The following TIRAP variants were observed in gnomAD, a reference collection of about 807,000 sequenced individuals.
TIRAP encodes toll/interleukin-1 receptor domain-containing adapter protein.
In TIRAP, 20 loss-of-function variants were observed where a neutral mutation model predicts 19.8. The observed-to-expected ratio is 1.01, with a 90% CI of 0.71 to 1.47. The LOEUF (loss-of-function observed/expected upper bound fraction) is 1.47. Ranked by LOEUF, TIRAP falls within the 40% of genes most tolerant of loss-of-function variation. The pLI is 0.00. For missense variants in TIRAP, 276 were observed against 285.1 expected, an observed-to-expected ratio of 0.97 and a Z score of 0.23; for synonymous variants, 125 against 121.7, an observed-to-expected ratio of 1.03 and a Z score of -0.18.
intron 1 of TIRAP, among the ~76,000 whole-genome samples, chr11:126,289,028 A>G (rs1951353044): frequency 6.6e-6 from 1 of 152,212 alleles, no homozygotes; most frequent in African/African-American, 2.4e-5. Flanking sequence ...TAGGAAAGAA[A>G]AGAAACTCAT....
At chr11:126,285,243 G>GTGTGTGTATGTATATATATA in intron 1 of TIRAP, among the ~76,000 whole-genome samples, 1 of 106,974 alleles carries the variant, frequency 9.3e-6, no homozygotes, top group Non-Finnish European at 1.9e-5. Flanking sequence ...GTGTGTGTGT[G>GTGTGTGTATGTATATATATA]TATATATATA....
intron 1 of TIRAP, among the ~76,000 whole-genome samples, chr11:126,289,304 G>GT (rs1179662890): frequency 2.6e-5 from 4 of 152,174 alleles, no homozygotes; most frequent in Non-Finnish European, 4.4e-5. Context: ...TTGAGATGGA[G>GT]TTTCGCTCTT....
At chr11:126,286,409 C>T (rs1183742418) in intron 1 of TIRAP, among the ~76,000 whole-genome samples, 2 of 152,094 alleles carry the variant, frequency 1.3e-5, no homozygotes, top group African/African-American at 4.8e-5. Context: ...CAGGTGTGAA[C>T]ACAGGGGGCC....
chr11:126,289,250 A>C (rs1229075680), intron 1 of TIRAP, among the ~76,000 whole-genome samples: 2 of 152,204 alleles, frequency 1.3e-5, no homozygotes, highest in Non-Finnish European at 2.9e-5. Context: ...CAGTGAACAA[A>C]GCATTAATGT....
chr11:126,289,980 C>CTGATCATTACAA (rs1435286249), intron 1 of TIRAP: 245 of 275,782 alleles, frequency 8.9e-4, no homozygotes, highest in Middle Eastern at 8.6e-3. Flanking sequence ...GTTTGGGAAA[C>CTGATCATTACAA]GTTAACATTA....
Position 126,286,547 on chromosome 11 carries a change from A to C in TIRAP, c.-217+3394A>C, listed in dbSNP as rs548815192. 4.6e-5 allele frequency among the ~76,000 whole-genome samples: 7 copies of C among 152,326 alleles called. No homozygotes were observed. The South Asian group carries it at 1.4e-3, about 32-fold the overall frequency. Reference sequence around the variant, plus strand: ...TGCAAACCATAATTAATCCTACCCAAACGTTTTAGCAAGTGTTTGAGAACA... The same window carrying C: ...TGCAAACCATAATTAATCCTACCCACACGTTTTAGCAAGTGTTTGAGAACA... On this transcript the variant is annotated intron_variant, in intron 1 of 4. Coordinates refer to ENST00000392679, the MANE Select transcript of TIRAP (RefSeq NM_001318777.2).
rs953631947 is a variant in TIRAP, at chr11:126,288,039, C to T, written c.-216-2423C>T. On this transcript the variant is annotated intron_variant, in intron 1 of 4. Coordinates refer to ENST00000392679, the MANE Select transcript of TIRAP (RefSeq NM_001318777.2). The surrounding 1 kb of genome is among the most constrained non-coding windows in gnomAD (Gnocchi z 5.0). Reference sequence around the variant, plus strand: ...AAAGTGCTGGGATTACAGGGGAGCACCAGCACACCCGGCTAAATTTTGTAT... The same window carrying T: ...AAAGTGCTGGGATTACAGGGGAGCATCAGCACACCCGGCTAAATTTTGTAT... 5.9e-5 allele frequency among the ~76,000 whole-genome samples: 9 copies of T among 152,076 alleles called. No individual in the cohort carries two copies. Among genetic ancestry groups the T allele is most frequent in the Admixed American group, 2.0e-4 (3 of 15,270 alleles).
At position 126,292,632 on chromosome 11, in the gene TIRAP, A is replaced by T. The variant is rs1039732848; in HGVS notation, c.223A>T (p.Ser75Cys). The T allele has an allele frequency of 3.7e-6, 6 of 1,614,022 alleles. No individual in the cohort carries two copies. Among genetic ancestry groups the T allele is most frequent in the Non-Finnish European group, 4.2e-6 (5 of 1,180,034 alleles). The change falls in exon 4 of 5, where the codon AGT (serine) becomes TGT (cysteine). Residue 75 changes from serine (S) to cysteine (C), a missense_variant. Physicochemically the swap from Ser to Cys is moderately radical, Grantham distance 112 (BLOSUM62 -1). Coordinates refer to ENST00000392679, the MANE Select transcript of TIRAP (RefSeq NM_001318777.2). The part of the protein sequence containing the change: ...TSPSLPPTHA[S>C]DSGSSRWSKD... ...TCCCAGCCTGCCACCCACACATGCGAGTGACAGTGGCAGTAGTCGCTGGAG... is the reference window on the plus strand; with the variant it reads ...TCCCAGCCTGCCACCCACACATGCGTGTGACAGTGGCAGTAGTCGCTGGAG...
chr11:126,288,440 C>G lies in TIRAP; in HGVS notation c.-216-2022C>G, dbSNP rs1325461795. 6.6e-6 allele frequency: 1 copy of G among 152,194 alleles called. No homozygotes were observed. The allele number at this position is 152,194 out of a possible 1,614,324, so 9.4% of individuals were successfully genotyped here. A position where few individuals can be genotyped will look rare whatever the true frequency, so the allele number is the denominator to read the frequency against. ...GATTAACACGTGTTTGAATATGTGA[C>G]AGTTCCACAGCTCCAGCTACAAAAG... On this transcript the variant is annotated intron_variant, in intron 1 of 4. Coordinates refer to ENST00000392679, the MANE Select transcript of TIRAP (RefSeq NM_001318777.2). The surrounding 1 kb of genome is among the most constrained non-coding windows in gnomAD (Gnocchi z 5.0).
At chr11:126,283,593 G>C (rs571397965) in intron 1 of TIRAP, among the ~76,000 whole-genome samples, 32 of 152,282 alleles carry the variant, frequency 2.1e-4, no homozygotes, top group Non-Finnish European at 3.8e-4. Flanking sequence ...GGGACCTATC[G>C]AGGCATTACA....
chr11:126,284,029 ACTT>A (rs1356731344), intron 1 of TIRAP, among the ~76,000 whole-genome samples: 13 of 130,304 alleles, frequency 1.0e-4, no homozygotes, highest in African/African-American at 3.6e-4. Context: ...TATATCATGT[ACTT>A]CTTTTTTTTT....
intron 1 of TIRAP, among the ~76,000 whole-genome samples, chr11:126,286,791 A>G (rs1565363225): frequency 6.6e-6 from 1 of 152,214 alleles, no homozygotes; most frequent in Non-Finnish European, 1.5e-5. Flanking sequence ...TGCTGTAACA[A>G]ATTGCCACAA....
Position 126,293,710 on chromosome 11 carries a change from C to T in TIRAP, c.*23C>T, listed in dbSNP as rs200001768. The T allele has an allele frequency of 5.8e-5, 93 of 1,613,986 alleles. No homozygotes were observed. In the East Asian group the frequency reaches 1.0e-3, roughly 17 times the overall value. ...TGACACTTGTTATATCATGGGACCC[C>T]GGAAATTGGAGTGAAGCTAGAAACA... On this transcript the variant is annotated 3_prime_UTR_variant, in exon 5 of 5. Coordinates refer to ENST00000392679, the MANE Select transcript of TIRAP (RefSeq NM_001318777.2).
At chr11:126,293,341 G>A (rs1327732289) in intron 4 of TIRAP, 1 of 714,488 alleles carries the variant, frequency 1.4e-6, no homozygotes, top group Non-Finnish European at 2.5e-6. Context: ...CCTAGCACAT[G>A]TATTCATAAC....
chr11:126,293,005 G>A lies in TIRAP; in HGVS notation c.596G>A (p.Gly199Asp), dbSNP rs1390480247. ...CTCCGATTCATGTACTACGTCGATG[G>A]CAGGGGCCCTGATGGTGGCTTTCGT... Reference protein sequence around the residue: ...PELRFMYYVDGRGPDGGFRQV... With the variant: ...PELRFMYYVDDRGPDGGFRQV... Residue 199 changes from glycine to aspartate, a missense_variant, in exon 4 of 5, where the codon GGC (glycine) becomes GAC (aspartate). Transcript: ENST00000392679. 6.2e-7 allele frequency: 1 copy of A among 1,614,210 alleles called. No individual in the cohort carries two copies. Among genetic ancestry groups the A allele is most frequent in the Non-Finnish European group, 8.5e-7 (1 of 1,180,038 alleles).
chr11:126,284,169 G>T (rs1365822010), intron 1 of TIRAP, among the ~76,000 whole-genome samples: 1 of 151,872 alleles, frequency 6.6e-6, no homozygotes, highest in East Asian at 1.9e-4. Context: ...GAGTAGCTGG[G>T]ATTACAGGCG....
chr11:126,292,997 C>T lies in TIRAP; in HGVS notation c.588C>T (p.Tyr196=), dbSNP rs200902905. 204 of 1,614,058 alleles carry T rather than the reference C, an allele frequency of 1.3e-4. No homozygotes were observed. Among genetic ancestry groups the T allele is most frequent in the Non-Finnish European group, 1.7e-4 (195 of 1,180,016 alleles). Residue 196 remains tyrosine, a synonymous_variant, in exon 4 of 5, where the codon TAC becomes TAT. Transcript: ENST00000392679. ...CACCTGAGCTCCGATTCATGTACTA[C>T]GTCGATGGCAGGGGCCCTGATGGTG... is the stretch of plus-strand genomic sequence containing the variant. The part of the protein sequence containing the change: ...AYPPELRFMY[Y]VDGRGPDGGF...
chr11:126,293,693 G>T lies in TIRAP; in HGVS notation c.*6G>T. On this transcript the variant is annotated 3_prime_UTR_variant, in exon 5 of 5. Transcript: ENST00000392679. ...ATCTGCAGACACTCAGTTGACACTTGTTATATCATGGGACCCCGGAAATTG... is the reference window on the plus strand; with the variant it reads ...ATCTGCAGACACTCAGTTGACACTTTTTATATCATGGGACCCCGGAAATTG... 6.2e-7 allele frequency: 1 copy of T among 1,614,148 alleles called. No homozygotes were observed.
Position 126,292,713 on chromosome 11 carries a change from G to C in TIRAP, c.304G>C (p.Asp102His). The change falls in exon 4 of 5, where the codon GAC (aspartate) becomes CAC (histidine). Residue 102 changes from aspartate to histidine, a missense_variant. Asp to His is a moderately conservative substitution (Grantham distance 81). Coordinates refer to ENST00000392679, the MANE Select transcript of TIRAP (RefSeq NM_001318777.2). ...TGAGGAAGACCTGGTGGCCGCCCAG[G>C]ACCTGGTCTCCTACTTGGAAGGCAG... ...HSEEDLVAAQ[D>H]LVSYLEGSTA... The C allele has an allele frequency of 6.2e-7, 1 of 1,613,628 alleles. No individual in the cohort carries two copies. Among genetic ancestry groups the C allele is most frequent in the South Asian group, 1.1e-5 (1 of 90,988 alleles).
Sources: gnomAD v4.1 joint callset for allele counts (sites outside exome capture counted in the v4.1 genomes callset) on GRCh38, gnomAD v4.1.1 for gene constraint, Gnocchi (gnomAD v3.1) non-coding constraint, MANE v1.5 for transcripts, NCBI Gene and HGNC (gene_info 2026-07-23, HGNC 2026-07-21) for gene names.